ITPK1: variants seen among roughly 807,000 people sequenced by gnomAD.
ITPK1 encodes inositol 1,3,4-trisphosphate 5/6-kinase.
A neutral mutation model predicts 45.3 loss-of-function variants in ITPK1; 21 were observed. The ratio of observed to expected loss-of-function variants is 0.46; its 90% confidence interval spans 0.33 to 0.67. ITPK1 has a LOEUF of 0.67. Ranked by LOEUF, ITPK1 falls within the 30% of genes least tolerant of loss-of-function variation. The probability of loss-of-function intolerance (pLI) is 0.02; values close to 1 mark genes in which losing one functional copy is unlikely to be tolerated. For synonymous variants in ITPK1, 258 were observed against 253.6 expected, an observed-to-expected ratio of 1.02 and a Z score of -0.16; for missense variants, 474 against 573.5, an observed-to-expected ratio of 0.83 and a Z score of 1.77.
chr14:93,115,263 C>A lies in ITPK1; in HGVS notation c.-100G>T. 2 of 728,352 alleles carry A rather than the reference C, an allele frequency of 2.7e-6. No homozygotes were observed. The highest frequency in any genetic ancestry group is 2.4e-4 in the Middle Eastern group (1 of 4,212). The allele number at this position is 728,352 out of a possible 1,614,324, so 45.1% of individuals were successfully genotyped here. ...CGAGCGAGTGGGCACCTCCTCCCGGCGGCGGGGACGCGGAACGGGGATCGG... is the reference window on the plus strand; with the variant it reads ...CGAGCGAGTGGGCACCTCCTCCCGGAGGCGGGGACGCGGAACGGGGATCGG... On this transcript the variant is annotated 5_prime_UTR_variant, in exon 2 of 11. Transcript: ENST00000267615.
chr14:93,103,139 A>G (rs1335833529), intron 2 of ITPK1, among the ~76,000 whole-genome samples: 1 of 150,198 alleles, frequency 6.7e-6, no homozygotes, highest in African/African-American at 2.5e-5. Context: ...AGAAAAAAAG[A>G]AAAATAGGGC....
In ITPK1 at chr14:92,941,114, C is replaced by T. The variant is rs1278807507; in HGVS notation, c.*447G>A. ...GCAGGTCAGGGAGTGGGGAGTCAGG[C>T]AGAAGGGAAGCCACTCTCACATGCA... On this transcript the variant is annotated 3_prime_UTR_variant, in exon 11 of 11. Coordinates refer to ENST00000267615, the MANE Select transcript of ITPK1 (RefSeq NM_014216.6). The T allele has an allele frequency of 1.6e-5, 19 of 1,202,742 alleles. No individual in the cohort carries two copies. The Middle Eastern group carries it at 1.1e-3, about 72-fold the overall frequency. 74.5% of individuals were successfully genotyped at this position (1,202,742 alleles called of 1,614,324 possible).
In ITPK1 at chr14:93,009,841, A is replaced by G. The variant is rs4905033; in HGVS notation, c.246+6835T>C. Among the ~76,000 whole-genome samples the G allele has an allele frequency of 3.4e-3, 513 of 152,176 alleles. 4 individuals are homozygous for G. Among genetic ancestry groups the G allele is most frequent in the Admixed American group, 6.4e-3 (98 of 15,292 alleles). ...CTCCTGCCAAGGTGGCCCTGAAATC[A>G]CCAACCCTCACACCACCCACAGTGC... On this transcript the variant is annotated intron_variant, in intron 4 of 10. Transcript: ENST00000267615.
Position 93,020,895 on chromosome 14 carries a change from T to C in ITPK1, c.121-4094A>G, listed in dbSNP as rs375349948. ...CAGGCTCTACTCTAAGCACTTCACA[T>C]GCACTGAGTTGCTCAATTCTCACAA... On this transcript the variant is annotated intron_variant, in intron 3 of 10. Transcript: ENST00000267615. Among the ~76,000 whole-genome samples the C allele has an allele frequency of 8.5e-5, 13 of 152,238 alleles. No homozygotes were observed. In the East Asian group the frequency reaches 2.3e-3, roughly 27 times the overall value.
chr14:93,027,422 C>A (rs1467668844), intron 3 of ITPK1, among the ~76,000 whole-genome samples: 1 of 152,220 alleles, frequency 6.6e-6, no homozygotes, highest in Non-Finnish European at 1.5e-5. Flanking sequence ...CATGAACTAT[C>A]TCACTTAATC....
intron 2 of ITPK1, among the ~76,000 whole-genome samples, chr14:93,109,400 G>A (rs553549962): frequency 3.3e-5 from 5 of 152,290 alleles, no homozygotes; most frequent in East Asian, 3.9e-4. Flanking sequence ...AATGAGAAGC[G>A]AACAGGGCTG....
chr14:93,021,328 T>C (rs7401136), intron 3 of ITPK1, among the ~76,000 whole-genome samples: 150,935 of 152,236 alleles, frequency 0.99, 74,829 homozygotes, highest in East Asian at 1. Flanking sequence ...CATAGTGGCT[T>C]GTGCCTGTAA....
At chr14:93,101,463 C>T (rs1207895761) in intron 2 of ITPK1, among the ~76,000 whole-genome samples, 1 of 152,146 alleles carries the variant, frequency 6.6e-6, no homozygotes, top group Non-Finnish European at 1.5e-5. Flanking sequence ...ATGTGCTGAC[C>T]CCCTCCTATG....
At chr14:93,079,893 C>T (rs537257949) in intron 2 of ITPK1, among the ~76,000 whole-genome samples, 2 of 152,300 alleles carry the variant, frequency 1.3e-5, no homozygotes, top group Non-Finnish European at 2.9e-5. Context: ...ACCCTGGCTC[C>T]ATGATCCCAC....
intron 2 of ITPK1, among the ~76,000 whole-genome samples, chr14:93,090,543 G>A (rs1472871320): frequency 4.6e-5 from 7 of 152,184 alleles, no homozygotes; most frequent in African/African-American, 1.7e-4. Context: ...CACCATCCTG[G>A]AGAAACCCTA....
At chr14:92,978,440 C>T (rs1886056800) in intron 5 of ITPK1, among the ~76,000 whole-genome samples, 1 of 151,978 alleles carries the variant, frequency 6.6e-6, no homozygotes, top group Non-Finnish European at 1.5e-5. Flanking sequence ...CAGAAATTTG[C>T]ATAAGAAGCC....
intron 2 of ITPK1, among the ~76,000 whole-genome samples, chr14:93,077,827 T>C (rs1891290658): frequency 6.6e-6 from 1 of 152,152 alleles, no homozygotes; most frequent in Non-Finnish European, 1.5e-5. Flanking sequence ...TATTGATTGC[T>C]ACGAGCCAGG....
chr14:92,996,199 A>G (rs1209498149), intron 4 of ITPK1, among the ~76,000 whole-genome samples: 1 of 152,218 alleles, frequency 6.6e-6, no homozygotes, highest in Non-Finnish European at 1.5e-5. Flanking sequence ...GCAATGCACA[A>G]TGGTGCCACT....
At chr14:93,071,864 G>A (rs1269960028) in intron 3 of ITPK1, 1 of 151,936 alleles carries the variant, frequency 6.6e-6, no homozygotes, top group Non-Finnish European at 1.5e-5. Flanking sequence ...TTAATTTCCT[G>A]TGATTTCCTG....
intron 2 of ITPK1, among the ~76,000 whole-genome samples, chr14:93,089,761 T>C (rs1891794314): frequency 6.6e-6 from 1 of 152,110 alleles, no homozygotes; most frequent in African/African-American, 2.4e-5. Context: ...ACAGCCCCCA[T>C]CTTCTTCCTG....
rs545841601 is a variant in ITPK1, at chr14:92,941,525, C to T, written c.*36G>A. 8.4e-4 allele frequency: 1,253 copies of T among 1,500,558 alleles called. 2 individuals are homozygous for T. The highest frequency in any genetic ancestry group is 9.6e-4 in the African/African-American group (67 of 69,780). 93.0% of individuals were successfully genotyped at this position (1,500,558 alleles called of 1,614,324 possible). Reference sequence around the variant, plus strand: ...CTGCTGGCCCAGCGGGTGTGCTCTGCGCCCTGCGCTGCCCCTCTGGGTCCC... The same window carrying T: ...CTGCTGGCCCAGCGGGTGTGCTCTGTGCCCTGCGCTGCCCCTCTGGGTCCC... On this transcript the variant is annotated 3_prime_UTR_variant, in exon 11 of 11. Coordinates refer to ENST00000267615, the MANE Select transcript of ITPK1 (RefSeq NM_014216.6).
intron 2 of ITPK1, among the ~76,000 whole-genome samples, chr14:93,094,172 G>GCCT (rs1397335703): frequency 1.3e-5 from 2 of 152,234 alleles, no homozygotes; most frequent in Non-Finnish European, 2.9e-5. Context: ...GATATGCGGG[G>GCCT]CCTCCTCCTC....
chr14:93,082,767 T>C (rs61012934), intron 2 of ITPK1, among the ~76,000 whole-genome samples: 21,459 of 152,242 alleles, frequency 0.14, 1,673 homozygotes, highest in South Asian at 0.25. Context: ...CCTGGGGGAC[T>C]GTCTGCAGTA....
chr14:93,095,121 G>A (rs537909203), intron 2 of ITPK1, among the ~76,000 whole-genome samples: 55 of 152,156 alleles, frequency 3.6e-4, no homozygotes, highest in Non-Finnish European at 6.6e-4. Flanking sequence ...CTCCCGGGGT[G>A]CAGGAGGAAC....
Sources: allele counts gnomAD v4.1 joint callset (sites outside exome capture counted in the v4.1 genomes callset), GRCh38; gene constraint gnomAD v4.1.1; transcripts MANE v1.5; gene names NCBI Gene and HGNC (gene_info 2026-07-23, HGNC 2026-07-21).